AZIN2: variants seen among roughly 807,000 people sequenced by gnomAD.
AZIN2 encodes the protein ODC antizyme inhibitor-2.
AZIN2 carries 28 observed loss-of-function variants against 47.8 expected under a neutral mutation model. The ratio of observed to expected loss-of-function variants is 0.59; its 90% CI spans 0.43 to 0.80. The LOEUF is 0.80. Among genes scored for constraint, AZIN2 ranks in the 30% least tolerant of loss-of-function variants. AZIN2 has a pLI of 0.00. For synonymous variants in AZIN2, 221 were observed against 239.4 expected (o/e 0.92, Z 0.71); for missense variants, 535 against 582.5 (o/e 0.92, Z 0.84).
chr1:33,124,776 T>A (rs1354985053), downstream of AZIN2, among the ~76,000 whole-genome samples: 1 of 152,136 alleles, frequency 6.6e-6, no homozygotes, highest in Non-Finnish European at 1.5e-5. The surrounding 1 kb of genome is among the most constrained non-coding windows in gnomAD (Gnocchi z 4.6). Context: ...CAGTATTTGG[T>A]TTTTTGTTCT....
chr1:33,153,593 T>C, the AZIN2 span, among the ~76,000 whole-genome samples: 2 of 152,210 alleles, frequency 1.3e-5, no homozygotes, highest in African/African-American at 2.4e-5. Context: ...TCAATGGGGC[T>C]GTGGTTGAGA....
Position 33,094,733 on chromosome 1 carries a change from T to C in AZIN2, c.753+20T>C. Reference sequence around the variant, plus strand: ...GAAGAGGTAACCCTGGAGCTGGGAGTGTCATGCTGGGCTCTATGGCGGGGA... The same window carrying C: ...GAAGAGGTAACCCTGGAGCTGGGAGCGTCATGCTGGGCTCTATGGCGGGGA... On this transcript the variant is annotated intron_variant, in intron 8 of 11. Coordinates refer to ENST00000294517, the MANE Select transcript of AZIN2 (RefSeq NM_052998.4). 3.7e-6 allele frequency: 6 copies of C among 1,613,008 alleles called. No individual in the cohort carries two copies. The highest frequency in any genetic ancestry group is 3.3e-4 in the Middle Eastern group (2 of 6,060).
At chr1:33,099,742 G>A (rs575429311) in intron 10 of AZIN2, among the ~76,000 whole-genome samples, 21 of 152,288 alleles carry the variant, frequency 1.4e-4, no homozygotes, top group East Asian at 9.6e-4. Flanking sequence ...ACGATGCTGC[G>A]GTTTCTTCCT....
chr1:33,132,632 G>T, the AZIN2 span, among the ~76,000 whole-genome samples: 1 of 152,126 alleles, frequency 6.6e-6, no homozygotes, highest in Non-Finnish European at 1.5e-5. Context: ...ACAGACCCCT[G>T]TATCCCATAC....
rs202115846 is a variant in AZIN2, at chr1:33,082,263, T to C, written c.14T>C (p.Leu5Pro). 1.2e-6 allele frequency: 2 copies of C among 1,613,954 alleles called. No individual in the cohort carries two copies. Among genetic ancestry groups the C allele is most frequent in the East Asian group, 4.5e-5 (2 of 44,858 alleles). The change falls in exon 4 of 12, where the codon CTG becomes CCG. Residue 5 changes from leucine to proline, a missense_variant. Around this residue, in one of 3 missense-constraint regions of AZIN2, gnomAD observed 409 missense variants for 429.0 expected, o/e 0.95. Coordinates refer to ENST00000294517, the MANE Select transcript of AZIN2 (RefSeq NM_052998.4). ...CTCCTGCAAGGCATGGCTGGCTACC[T>C]GAGTGAATCGGACTTTGTGATGGTG... MAGY[L>P]SESDFVMVEE...
chr1:33,163,964 CAA>C, the AZIN2 span: 1 of 152,624 alleles, frequency 6.6e-6, no homozygotes, highest in Non-Finnish European at 1.5e-5. Context: ...TGGAGAAAAA[CAA>C]AGAGGGTGTG....
chr1:33,159,623 C>T, the AZIN2 span: 6 of 1,535,640 alleles, frequency 3.9e-6, no homozygotes, highest in Non-Finnish European at 5.2e-6. This position sits in a 1 kb window ranked among gnomAD's most constrained non-coding sequence, Gnocchi z 4.2. Flanking sequence ...CCTCCACTCC[C>T]ACTGCCCAGC....
intron 7 of AZIN2, among the ~76,000 whole-genome samples, chr1:33,093,990 C>G (rs1265393627): frequency 6.6e-6 from 1 of 152,172 alleles, no homozygotes; most frequent in African/African-American, 2.4e-5. Flanking sequence ...GCCTTGGCCT[C>G]CCAAAGTGCT....
intron 9 of AZIN2, 182 bp from the exon 10 acceptor site, chr1:33,097,885 A>G: frequency 1.7e-6 from 1 of 605,752 alleles, no homozygotes; most frequent in Non-Finnish European, 3.0e-6. Flanking sequence ...AGTGTTCCTA[A>G]CACGGCAGTG....
At chr1:33,097,951 A>G (rs558057112) in intron 9 of AZIN2, 116 bp from the exon 10 acceptor site, 40 of 703,856 alleles carry the variant, frequency 5.7e-5, no homozygotes, top group Non-Finnish European at 8.7e-5. Context: ...GCCTCGCCTC[A>G]TGGTTGAGGA....
At chr1:33,151,078 A>G in the AZIN2 span, among the ~76,000 whole-genome samples, 3 of 152,048 alleles carry the variant, frequency 2.0e-5, no homozygotes, top group Non-Finnish European at 4.4e-5. Context: ...TATGTAGGAC[A>G]ATGTGAGCCA....
chr1:33,101,986 G>T, intron 10 of AZIN2: 1 of 703,100 alleles, frequency 1.4e-6, no homozygotes. Context: ...GAATACTGCT[G>T]CTGTGAATTC....
At chr1:33,119,519 G>C (rs1237917817) in intron 11 of AZIN2, 2 of 164,954 alleles carry the variant, frequency 1.2e-5, no homozygotes, top group Non-Finnish European at 2.7e-5. Flanking sequence ...TGATAGTGGA[G>C]CCATTGATCA....
chr1:33,087,463 GTC>G (rs1642051508), intron 5 of AZIN2, among the ~76,000 whole-genome samples: 1 of 144,672 alleles, frequency 6.9e-6, no homozygotes. Flanking sequence ...TTGAGACAGA[GTC>G]TTGCTCTGTT....
rs368851609 is a variant in AZIN2, at chr1:33,084,140, C to G, written c.279+13C>G. On this transcript the variant is annotated intron_variant, in intron 5 of 11. Coordinates refer to ENST00000294517, the MANE Select transcript of AZIN2 (RefSeq NM_052998.4). ...CTGTGCCAACAAGGTGAGCCCTGCCCGCACGGTGCACTGACCCTCCATGCC... is the reference window on the plus strand; with the variant it reads ...CTGTGCCAACAAGGTGAGCCCTGCCGGCACGGTGCACTGACCCTCCATGCC... The G allele has an allele frequency of 6.2e-7, 1 of 1,606,394 alleles. No individual in the cohort carries two copies. The highest frequency in any genetic ancestry group is 1.1e-5 in the South Asian group (1 of 90,942).
In AZIN2 at chr1:33,122,834, G is replaced by C. The variant is rs1160391287; in HGVS notation, c.*2652G>C. ...CACTCTCTCTCATTCTCTCCTTCAA[G>C]GAGTTAACAGATCTGAGCTTCCATC... On this transcript the variant is annotated 3_prime_UTR_variant, in exon 12 of 12. Coordinates refer to ENST00000294517, the MANE Select transcript of AZIN2 (RefSeq NM_052998.4). Among the ~76,000 whole-genome samples the C allele has an allele frequency of 6.6e-6, 1 of 152,172 alleles. No homozygotes were observed. The highest frequency in any genetic ancestry group is 1.5e-5 in the Non-Finnish European group (1 of 68,026).
At chr1:33,105,925 G>A (rs1643984408) in intron 10 of AZIN2, among the ~76,000 whole-genome samples, 1 of 152,150 alleles carries the variant, frequency 6.6e-6, no homozygotes, top group Non-Finnish European at 1.5e-5. Flanking sequence ...TTGCCAAGAT[G>A]GGGCTTTCTT....
At chr1:33,102,664 C>A (rs1323018394) in intron 10 of AZIN2, among the ~76,000 whole-genome samples, 2 of 152,162 alleles carry the variant, frequency 1.3e-5, no homozygotes. Context: ...AGTCCTTGAT[C>A]TTCTCTGTCT....
chr1:33,131,776 A>G, the AZIN2 span, among the ~76,000 whole-genome samples: 2 of 152,216 alleles, frequency 1.3e-5, no homozygotes, highest in Admixed American at 6.5e-5. Flanking sequence ...TTATCTATTA[A>G]ATATACCTCA....
Sources: allele counts gnomAD v4.1 joint callset (sites outside exome capture counted in the v4.1 genomes callset), GRCh38; gene constraint gnomAD v4.1.1; regional missense constraint gnomAD v4.1.1; non-coding constraint Gnocchi (gnomAD v3.1); transcripts MANE v1.5; gene names NCBI Gene and HGNC (gene_info 2026-07-23, HGNC 2026-07-21).